TUG1: variants seen among roughly 807,000 people sequenced by gnomAD.
TUG1 encodes the protein taurine up-regulated 1.
exon 3 of TUG1, chr22:30,977,015 C>T (rs2041296090): frequency 6.6e-6 from 1 of 151,992 alleles, no homozygotes; most frequent in Non-Finnish European, 1.5e-5. Context: ...CTCTTTTTTT[C>T]CTCTCTGGTT....
chr22:30,972,396 T>A (rs1215543547), intron 1 of TUG1: 2 of 152,228 alleles, frequency 1.3e-5, no homozygotes, highest in African/African-American at 4.8e-5. Flanking sequence ...CTTGTTAAGA[T>A]GAAAGGACAG....
intron 2 of TUG1, chr22:30,973,789 C>T (rs1407200878): frequency 1.3e-5 from 2 of 152,188 alleles, no homozygotes; most frequent in Admixed American, 6.5e-5. Context: ...TTCTGACACC[C>T]AGTCCAGTAC....
exon 3 of TUG1, chr22:30,976,705 G>A (rs1371648602): frequency 6.6e-6 from 1 of 152,198 alleles, no homozygotes; most frequent in Non-Finnish European, 1.5e-5. Context: ...ACTTTGATGT[G>A]TGTCATGAGA....
exon 3 of TUG1, chr22:30,978,629 T>G (rs147832677): frequency 6.6e-6 from 1 of 152,312 alleles, no homozygotes; most frequent in East Asian, 1.9e-4. Flanking sequence ...AAGCTCTCTT[T>G]ACTGAGGGTG....
At chr22:30,975,308 G>A (rs146156088) in exon 3 of TUG1, 2 of 152,330 alleles carry the variant, frequency 1.3e-5, no homozygotes, top group African/African-American at 2.4e-5. Flanking sequence ...AAGAGTAGGG[G>A]CCTGAATCCT....
exon 2 of TUG1, chr22:30,973,371 A>G (rs1010961998): frequency 6.6e-6 from 1 of 152,194 alleles, no homozygotes. Context: ...TTTCTACTTC[A>G]AATCCTGTAG....
exon 3 of TUG1, chr22:30,976,679 C>T (rs1344446186): frequency 6.6e-6 from 1 of 152,184 alleles, no homozygotes; most frequent in African/African-American, 2.4e-5. Context: ...CAGACCAGAT[C>T]ATGTTGAACA....
chr22:30,972,494 A>G (rs2041241843), intron 1 of TUG1: 1 of 152,208 alleles, frequency 6.6e-6, no homozygotes, highest in South Asian at 2.1e-4. Flanking sequence ...TATTGTTGGT[A>G]TATAAACTTA....
At chr22:30,971,004 CTTCT>C (rs1382984034) in exon 1 of TUG1, 1 of 152,166 alleles carries the variant, frequency 6.6e-6, no homozygotes, top group Non-Finnish European at 1.5e-5. Context: ...CCAGTTTTTG[CTTCT>C]TTGTTAGTTG....
chr22:30,973,219 GA>G (rs2041250922), exon 2 of TUG1: 1 of 152,276 alleles, frequency 6.6e-6, no homozygotes, highest in Non-Finnish European at 1.5e-5. Flanking sequence ...AATAAATTTG[GA>G]CCAGGGGATT....
At chr22:30,972,501 C>T (rs1265376132) in intron 1 of TUG1, 1 of 152,188 alleles carries the variant, frequency 6.6e-6, no homozygotes, top group Non-Finnish European at 1.5e-5. Context: ...GGTATATAAA[C>T]TTAAAATCTC....
At chr22:30,973,932 C>G (rs2041257586) in intron 2 of TUG1, 1 of 152,198 alleles carries the variant, frequency 6.6e-6, no homozygotes, top group Non-Finnish European at 1.5e-5. Context: ...ATAGCTACAT[C>G]TGGACCAGAA....
At chr22:30,969,395 A>C (rs2147346593) in exon 1 of TUG1, 1 of 152,448 alleles carries the variant, frequency 6.6e-6, no homozygotes, top group Non-Finnish European at 1.5e-5. Flanking sequence ...TGGTAGGGCG[A>C]AGGAACGGGC....
chr22:30,974,156 G>A (rs2041260774), intron 2 of TUG1: 1 of 151,846 alleles, frequency 6.6e-6, no homozygotes, highest in Non-Finnish European at 1.5e-5. Flanking sequence ...TGAGCCACCT[G>A]GTTTTTTTAA....
chr22:30,973,940 G>C (rs1179442422), intron 2 of TUG1: 2 of 152,158 alleles, frequency 1.3e-5, no homozygotes, highest in African/African-American at 4.8e-5. Flanking sequence ...ATCTGGACCA[G>C]AATCCCATGG....
chr22:30,970,413 C>T (rs1174062424), exon 1 of TUG1: 1 of 152,188 alleles, frequency 6.6e-6, no homozygotes, highest in Non-Finnish European at 1.5e-5. Context: ...TAACAACAGT[C>T]CCCTGCTTGG....
At chr22:30,971,962 A>C (rs1256533061) in intron 1 of TUG1, 183 bp downstream of exon 1, 1 of 152,234 alleles carries the variant, frequency 6.6e-6, no homozygotes, top group Non-Finnish European at 1.5e-5. Flanking sequence ...AGAGCTTTAA[A>C]GTTTTATGAC....
At chr22:30,974,454 C>T (rs2041266742) in intron 2 of TUG1, 1 of 151,926 alleles carries the variant, frequency 6.6e-6, no homozygotes, top group Non-Finnish European at 1.5e-5. Flanking sequence ...ATCATTCCAT[C>T]TAATGGAATG....
chr22:30,974,239 T>C (rs2041262419), intron 2 of TUG1: 1 of 151,956 alleles, frequency 6.6e-6, no homozygotes, highest in South Asian at 2.1e-4. Context: ...TAGTAAAGTA[T>C]GTAAGACATG....
Sources: gnomAD v4.1 joint callset for allele counts on GRCh38, gnomAD v4.1.1 for gene constraint, MANE v1.5 for transcripts, NCBI Gene and HGNC (gene_info 2026-07-23, HGNC 2026-07-21) for gene names.